Variants in CNTNAP2 observed in about 807,000 individuals in gnomAD.
The protein encoded by CNTNAP2 is contactin associated protein 2, also known as contactin-associated protein-like 2.
CNTNAP2 carries 98 observed loss-of-function variants against 155.2 expected under a neutral mutation model. The ratio of observed to expected loss-of-function variants is 0.63; its 90% CI spans 0.54 to 0.75. The LOEUF is 0.75. Among genes scored for constraint, CNTNAP2 ranks in the 30% least tolerant of loss-of-function variants. The probability of loss-of-function intolerance (pLI) is 0.00; values close to 1 mark genes in which losing one functional copy is unlikely to be tolerated. For missense variants in CNTNAP2, 1,727 were observed against 1,688.1 expected (o/e 1.02, Z -0.40); for synonymous variants, 651 against 631.2 (o/e 1.03, Z -0.47).
At chr7:146,758,230 T>G (rs770566796) in intron 1 of CNTNAP2, among the ~76,000 whole-genome samples, 4 of 152,196 alleles carry the variant, frequency 2.6e-5, no homozygotes, top group Admixed American at 6.5e-5. Context: ...TCTGATTAGT[T>G]TCATTTCTGT....
chr7:147,146,040 G>T (rs1359767135), intron 8 of CNTNAP2, among the ~76,000 whole-genome samples: 5 of 152,142 alleles, frequency 3.3e-5, no homozygotes, highest in Admixed American at 3.3e-4. Context: ...ATGCAACTTT[G>T]TGTGAGCTTG....
chr7:146,191,057 G>A (rs1477532261), intron 1 of CNTNAP2, among the ~76,000 whole-genome samples: 1 of 152,086 alleles, frequency 6.6e-6, no homozygotes, highest in Non-Finnish European at 1.5e-5. Context: ...ATTCTTTCTG[G>A]TCACCAATTA....
At chr7:146,223,407 A>G (rs1269813893) in intron 1 of CNTNAP2, among the ~76,000 whole-genome samples, 1 of 152,222 alleles carries the variant, frequency 6.6e-6, no homozygotes, top group Non-Finnish European at 1.5e-5. Flanking sequence ...TCAAGATAGC[A>G]GAAAGAGGTC....
chr7:148,197,594 G>A (rs2116726574), intron 18 of CNTNAP2, among the ~76,000 whole-genome samples: 1 of 152,268 alleles, frequency 6.6e-6, no homozygotes, highest in East Asian at 1.9e-4. Flanking sequence ...TACCACCAAT[G>A]ACAGAACATG....
At chr7:146,339,169 C>T (rs11973844) in intron 1 of CNTNAP2, among the ~76,000 whole-genome samples, 17,149 of 152,038 alleles carry the variant, frequency 0.11, 1,736 homozygotes, top group African/African-American at 0.27. Flanking sequence ...TGTAACAAAA[C>T]TCCATAAGGA....
At chr7:146,962,172 G>A (rs1306262417) in intron 3 of CNTNAP2, among the ~76,000 whole-genome samples, 1 of 152,104 alleles carries the variant, frequency 6.6e-6, no homozygotes, top group African/African-American at 2.4e-5. Flanking sequence ...GACACTGTAT[G>A]TTATTTCTTC....
At chr7:147,802,745 C>G (rs950129281) in intron 13 of CNTNAP2, among the ~76,000 whole-genome samples, 9 of 129,102 alleles carry the variant, frequency 7.0e-5, no homozygotes, top group Admixed American at 1.8e-4. Context: ...AGCTTCCGCT[C>G]GGCATCAGAG....
At chr7:146,543,288 A>G (rs1268862789) in intron 1 of CNTNAP2, among the ~76,000 whole-genome samples, 1 of 151,950 alleles carries the variant, frequency 6.6e-6, no homozygotes, top group Non-Finnish European at 1.5e-5. Context: ...TCAATAAAAC[A>G]TTTTTTAAAT....
chr7:146,644,313 T>G (rs916849892), intron 1 of CNTNAP2, among the ~76,000 whole-genome samples: 8 of 152,162 alleles, frequency 5.3e-5, no homozygotes, highest in Non-Finnish European at 8.8e-5. Context: ...GCTCTTATTA[T>G]TTTGAGATAT....
intron 8 of CNTNAP2, among the ~76,000 whole-genome samples, chr7:147,133,356 T>C (rs985346268): frequency 2.4e-4 from 37 of 152,200 alleles, no homozygotes; most frequent in African/African-American, 8.4e-4. Flanking sequence ...CAAAGAAAAC[T>C]AACATTTACT....
chr7:146,446,123 A>T (rs1325430554), intron 1 of CNTNAP2, among the ~76,000 whole-genome samples: 1 of 152,208 alleles, frequency 6.6e-6, no homozygotes, highest in African/African-American at 2.4e-5. Context: ...TGAAGGCAAG[A>T]TTGCCCCAAG....
chr7:147,375,245 T>C (rs1250286438), intron 9 of CNTNAP2, among the ~76,000 whole-genome samples: 1 of 151,824 alleles, frequency 6.6e-6, no homozygotes, highest in East Asian at 1.9e-4. Flanking sequence ...AATACAATCC[T>C]CATGATGATA....
At chr7:147,137,239 A>C (rs2129286385) in intron 8 of CNTNAP2, among the ~76,000 whole-genome samples, 1 of 151,354 alleles carries the variant, frequency 6.6e-6, no homozygotes, top group East Asian at 2.0e-4. Flanking sequence ...TTCTTATATA[A>C]AATTTAATAA....
intron 9 of CNTNAP2, among the ~76,000 whole-genome samples, chr7:147,394,111 C>A (rs1228629221): frequency 1.3e-5 from 2 of 151,888 alleles, no homozygotes; most frequent in Non-Finnish European, 2.9e-5. Flanking sequence ...GTAATTCTAT[C>A]ATTTCATAAT....
intron 1 of CNTNAP2, among the ~76,000 whole-genome samples, chr7:146,122,645 A>G (rs1388657614): frequency 2.7e-5 from 3 of 112,570 alleles, no homozygotes; most frequent in African/African-American, 7.3e-5. Context: ...AGGACTTCCA[A>G]ACTCTCCCAT....
chr7:146,549,111 G>A (rs929603996), intron 1 of CNTNAP2, among the ~76,000 whole-genome samples: 2 of 149,872 alleles, frequency 1.3e-5, no homozygotes, highest in Non-Finnish European at 3.0e-5. Flanking sequence ...ATTTGTTAAA[G>A]AGACTATCTT....
intron 13 of CNTNAP2, among the ~76,000 whole-genome samples, chr7:147,867,545 T>G (rs1025940608): frequency 6.6e-6 from 1 of 152,192 alleles, no homozygotes; most frequent in Non-Finnish European, 1.5e-5. Context: ...AAGAGTGTTT[T>G]CCAACTTGGT....
At chr7:147,555,635 A>G (rs1332914363) in intron 11 of CNTNAP2, among the ~76,000 whole-genome samples, 3 of 152,222 alleles carry the variant, frequency 2.0e-5, no homozygotes, top group South Asian at 2.1e-4. Context: ...AAGACTGCTT[A>G]TGATGTTCCA....
Position 147,726,655 on chromosome 7 carries a change from C to CA in CNTNAP2, c.2098+87350dup, listed in dbSNP as rs143183021. ...ATGCTCCTATAAATCCTTAACAAAACAGAGTTGTTTACATACTTCCCCCTT... is the reference window on the plus strand; with the variant it reads ...ATGCTCCTATAAATCCTTAACAAAACAAGAGTTGTTTACATACTTCCCCCTT... On this transcript the variant is annotated intron_variant, in intron 13 of 23. Transcript: ENST00000361727. Among the ~76,000 whole-genome samples the CA allele has an allele frequency of 9.9e-3, 1,503 of 152,080 alleles. 26 individuals carry two copies. The highest frequency in any genetic ancestry group is 0.035 in the African/African-American group (1,438 of 41,510).
Sources: gnomAD v4.1 joint callset for allele counts (sites outside exome capture counted in the v4.1 genomes callset) on GRCh38, gnomAD v4.1.1 for gene constraint, MANE v1.5 for transcripts, NCBI Gene and HGNC (gene_info 2026-07-23, HGNC 2026-07-21) for gene names.